The following PDE4D variants were observed in gnomAD, a reference collection of about 807,000 sequenced individuals.
The protein encoded by PDE4D is 3',5'-cyclic-AMP phosphodiesterase 4D.
Under a neutral mutation model 87.4 loss-of-function variants are expected in PDE4D, and 24 were observed. The observed-to-expected ratio is 0.27, with a 90% CI of 0.20 to 0.39. The LOEUF is 0.39. PDE4D is among the 10% of genes least tolerant of loss of function. The pLI is 1.00. For synonymous variants in PDE4D, 384 were observed against 383.2 expected (o/e 1.00, Z -0.02); for missense variants, 714 against 1,041.0 (o/e 0.69, Z 4.32).
At chr5:60,121,818 C>G (rs1562120888) in intron 2 of PDE4D, among the ~76,000 whole-genome samples, 1 of 152,124 alleles carries the variant, frequency 6.6e-6, no homozygotes, top group Non-Finnish European at 1.5e-5. Context: ...CAGCATTAAC[C>G]CAAAAGTCAA....
chr5:60,382,812 G>T (rs75365645), intron 1 of PDE4D, among the ~76,000 whole-genome samples: 1 of 152,094 alleles, frequency 6.6e-6, no homozygotes, highest in Non-Finnish European at 1.5e-5. Flanking sequence ...TTGGTTCTAG[G>T]GCTGCATATG....
At chr5:60,255,648 T>C (rs919301937) in intron 1 of PDE4D, among the ~76,000 whole-genome samples, 1 of 151,776 alleles carries the variant, frequency 6.6e-6, no homozygotes, top group African/African-American at 2.4e-5. Context: ...AACTCATTCA[T>C]ACTTAATTAC....
At position 59,210,976 on chromosome 5, in the gene PDE4D, A is replaced by G. The variant is rs144280907; in HGVS notation, c.647+4801T>C. Among the ~76,000 whole-genome samples, 515 of 152,274 alleles carry G rather than the reference A, an allele frequency of 3.4e-3. 3 individuals carry two copies. The highest frequency in any genetic ancestry group is 0.012 in the African/African-American group (484 of 41,550). ...ATGTGTTTCCAAATACAGATACTAT[A>G]TTACTGGATGATGTGAAAACACAGA... is the stretch of plus-strand genomic sequence containing the variant. On this transcript the variant is annotated intron_variant, in intron 2 of 14. Coordinates refer to ENST00000340635, the MANE Select transcript of PDE4D (RefSeq NM_001104631.2).
chr5:60,226,012 G>T (rs1745052122), intron 1 of PDE4D, among the ~76,000 whole-genome samples: 1 of 152,090 alleles, frequency 6.6e-6, no homozygotes, highest in African/African-American at 2.4e-5. Flanking sequence ...ATATGGATAT[G>T]CAGGTTAAAT....
intron 1 of PDE4D, among the ~76,000 whole-genome samples, chr5:59,326,105 CG>C (rs934283395): frequency 4.6e-5 from 7 of 151,564 alleles, no homozygotes; most frequent in African/African-American, 1.7e-4. Flanking sequence ...CATCACACAC[CG>C]GGGACTGTTG....
chr5:59,552,214 GTAAA>G (rs1422078822), intron 1 of PDE4D, among the ~76,000 whole-genome samples: 35 of 152,180 alleles, frequency 2.3e-4, no homozygotes, highest in African/African-American at 6.7e-4. Context: ...AAGAAAGTAA[GTAAA>G]TAAAGAGGTA....
At chr5:60,192,564 T>C (rs1011889341) in intron 1 of PDE4D, among the ~76,000 whole-genome samples, 2 of 152,202 alleles carry the variant, frequency 1.3e-5, no homozygotes, top group African/African-American at 4.8e-5. Context: ...AGAACCTTCA[T>C]GATGTACTAT....
chr5:59,799,389 G>T (rs79952016), intron 1 of PDE4D, among the ~76,000 whole-genome samples: 1 of 152,186 alleles, frequency 6.6e-6, no homozygotes, highest in Non-Finnish European at 1.5e-5. Flanking sequence ...AAGAATTCCC[G>T]CAGAACATGA....
chr5:60,097,470 T>G (rs1775797641), intron 2 of PDE4D, among the ~76,000 whole-genome samples: 1 of 152,066 alleles, frequency 6.6e-6, no homozygotes, highest in African/African-American at 2.4e-5. Context: ...TTTTCTGAAC[T>G]TATTCTTAAT....
Position 59,070,806 on chromosome 5 carries a change from ATCAAGAATT to A in PDE4D, c.809-31844_809-31836del, listed in dbSNP as rs1462922718. ...AAAAATCTAAGTATGGCTCAAACAC[ATCAAGAATT>A]TTATTAAATTCATCTTCTTGAAGAA... On this transcript the variant is annotated intron_variant, in intron 5 of 14. Coordinates refer to ENST00000340635, the MANE Select transcript of PDE4D (RefSeq NM_001104631.2). Among the ~76,000 whole-genome samples the A allele has an allele frequency of 2.6e-5, 4 of 152,286 alleles. No individual in the cohort carries two copies. The East Asian group carries it at 7.7e-4, about 29-fold the overall frequency.
At chr5:59,128,882 C>A (rs1775887927) in intron 5 of PDE4D, among the ~76,000 whole-genome samples, 1 of 152,192 alleles carries the variant, frequency 6.6e-6, no homozygotes, top group Non-Finnish European at 1.5e-5. Context: ...CCTGGTTCAA[C>A]CCTTCTACCT....
At chr5:60,125,840 A>G (rs951793547) in intron 2 of PDE4D, among the ~76,000 whole-genome samples, 4 of 152,202 alleles carry the variant, frequency 2.6e-5, no homozygotes, top group African/African-American at 9.7e-5. Flanking sequence ...GCCAATATCC[A>G]AATGAGAAAC....
At chr5:59,718,323 A>G (rs1373466976) in intron 1 of PDE4D, among the ~76,000 whole-genome samples, 1 of 152,194 alleles carries the variant, frequency 6.6e-6, no homozygotes, top group Non-Finnish European at 1.5e-5. Flanking sequence ...GTCAGCTTGA[A>G]CCAAAGACAT....
At chr5:59,921,875 T>TAAGA (rs1278794416) in intron 3 of PDE4D, among the ~76,000 whole-genome samples, 1 of 152,168 alleles carries the variant, frequency 6.6e-6, no homozygotes, top group Non-Finnish European at 1.5e-5. Flanking sequence ...AGGTACCATC[T>TAAGA]AAGAACCAAA....
chr5:59,148,787 G>GTGTA (rs1779056144), intron 5 of PDE4D, among the ~76,000 whole-genome samples: 1 of 151,298 alleles, frequency 6.6e-6, no homozygotes, highest in Admixed American at 6.6e-5. Context: ...GTGTGTGTGT[G>GTGTA]TGTGTATCTG....
intron 1 of PDE4D, among the ~76,000 whole-genome samples, chr5:59,304,579 GA>G (rs1770919202): frequency 6.6e-6 from 1 of 151,948 alleles, no homozygotes; most frequent in Admixed American, 6.6e-5. Flanking sequence ...CTTGTATGCT[GA>G]TTTTGCTGAG....
rs1009144564 is a variant in PDE4D, at chr5:59,049,393, C to G, written c.809-10422G>C. ...ATCACCCTCGTCTATCTCTTGTTCT[C>G]AGTCTTTTGCTTTCAAACTCTTTCT... is the stretch of plus-strand genomic sequence containing the variant. On this transcript the variant is annotated intron_variant, in intron 5 of 14. Transcript: ENST00000340635. Among the ~76,000 whole-genome samples the G allele has an allele frequency of 3.9e-5, 6 of 152,084 alleles. No homozygotes were observed. In the South Asian group the frequency reaches 6.2e-4, roughly 16 times the overall value.
intron 1 of PDE4D, among the ~76,000 whole-genome samples, chr5:59,434,582 A>G (rs1796543323): frequency 6.6e-6 from 1 of 152,014 alleles, no homozygotes; most frequent in African/African-American, 2.4e-5. Context: ...AAAAACTCCC[A>G]CCTCTTTATT....
intron 1 of PDE4D, among the ~76,000 whole-genome samples, chr5:60,427,923 A>C (rs1743860318): frequency 6.6e-6 from 1 of 152,050 alleles, no homozygotes; most frequent in East Asian, 1.9e-4. Flanking sequence ...AATAAAAATA[A>C]AAAATTAACT....
Sources: allele counts gnomAD v4.1 joint callset (sites outside exome capture counted in the v4.1 genomes callset), GRCh38; gene constraint gnomAD v4.1.1; transcripts MANE v1.5; gene names NCBI Gene and HGNC (gene_info 2026-07-23, HGNC 2026-07-21).